CSMD3: variants seen among roughly 807,000 people sequenced by gnomAD.
The protein encoded by CSMD3 is CUB and sushi domain-containing protein 3.
In CSMD3, 177 loss-of-function variants were observed where a neutral mutation model predicts 435.2. The observed-to-expected ratio is 0.41, with a 90% CI of 0.36 to 0.46. The LOEUF (loss-of-function observed/expected upper bound fraction) is 0.46. CSMD3 is among the 20% of genes least tolerant of loss of function. The pLI is 0.34. For synonymous variants in CSMD3, 1,656 were observed against 1,520.5 expected, an observed-to-expected ratio of 1.09 and a Z score of -2.07; for missense variants, 4,265 against 4,504.6, an observed-to-expected ratio of 0.95 and a Z score of 1.52.
At chr8:112,798,495 C>T (rs1214694419) in intron 13 of CSMD3, among the ~76,000 whole-genome samples, 2 of 151,648 alleles carry the variant, frequency 1.3e-5, no homozygotes, top group African/African-American at 2.4e-5. Flanking sequence ...AAAAGTAGGG[C>T]ATTATTCATT....
intron 3 of CSMD3, among the ~76,000 whole-genome samples, chr8:113,185,636 C>T (rs1278142134): frequency 6.6e-6 from 1 of 151,972 alleles, no homozygotes. Context: ...TATATCTTTG[C>T]CCATTGTTGA....
At chr8:112,822,423 TG>T in intron 12 of CSMD3, among the ~76,000 whole-genome samples, 1 of 152,148 alleles carries the variant, frequency 6.6e-6, no homozygotes, top group East Asian at 1.9e-4. Flanking sequence ...AATTGTAAAC[TG>T]GAGTTCACTC....
At chr8:112,873,679 G>T (rs906766942) in intron 10 of CSMD3, among the ~76,000 whole-genome samples, 2 of 151,920 alleles carry the variant, frequency 1.3e-5, no homozygotes, top group Non-Finnish European at 2.9e-5. Context: ...ATTTCTTCTA[G>T]ATTTTCTAGT....
intron 12 of CSMD3, among the ~76,000 whole-genome samples, chr8:112,807,053 A>T (rs2079105388): frequency 6.6e-6 from 1 of 152,146 alleles, no homozygotes; most frequent in African/African-American, 2.4e-5. Context: ...AGATATGCTG[A>T]CCCATGTACT....
chr8:112,718,944 T>C (rs1476661248), intron 13 of CSMD3, among the ~76,000 whole-genome samples: 1 of 152,132 alleles, frequency 6.6e-6, no homozygotes, highest in East Asian at 1.9e-4. Context: ...TTGAGCTCTG[T>C]GTAAAAGATT....
At chr8:112,444,966 A>G (rs1397414042) in intron 32 of CSMD3, among the ~76,000 whole-genome samples, 1 of 152,156 alleles carries the variant, frequency 6.6e-6, no homozygotes, top group Non-Finnish European at 1.5e-5. Context: ...TAGCAGGCCA[A>G]TTGTGGTGAC....
intron 12 of CSMD3, among the ~76,000 whole-genome samples, chr8:112,806,007 CA>C (rs1342916226): frequency 1.3e-5 from 2 of 151,892 alleles, no homozygotes; most frequent in African/African-American, 2.4e-5. Context: ...AGACAAATTG[CA>C]AAATTGCCAA....
chr8:112,490,463 A>G (rs555816166), intron 31 of CSMD3, among the ~76,000 whole-genome samples: 1 of 152,254 alleles, frequency 6.6e-6, no homozygotes, highest in African/African-American at 2.4e-5. Context: ...CATTTCTATG[A>G]CCTATTGGAA....
chr8:112,831,731 T>A (rs545400239), intron 11 of CSMD3, among the ~76,000 whole-genome samples: 1 of 152,296 alleles, frequency 6.6e-6, no homozygotes, highest in East Asian at 1.9e-4. Flanking sequence ...ATATTGGTGA[T>A]TCTGAAAACA....
At chr8:112,413,227 G>A (rs1811542023) in intron 32 of CSMD3, among the ~76,000 whole-genome samples, 1 of 152,062 alleles carries the variant, frequency 6.6e-6, no homozygotes, top group Non-Finnish European at 1.5e-5. Context: ...AATGAGACAA[G>A]GCAGTGTATC....
chr8:112,924,256 A>G (rs2082839419), intron 9 of CSMD3, among the ~76,000 whole-genome samples: 1 of 152,142 alleles, frequency 6.6e-6, no homozygotes, highest in South Asian at 2.1e-4. Context: ...TTTAGTTAAC[A>G]AGCTGTCACG....
At chr8:112,260,125 T>C (rs879607463) in intron 61 of CSMD3, among the ~76,000 whole-genome samples, 1 of 152,174 alleles carries the variant, frequency 6.6e-6, no homozygotes, top group Non-Finnish European at 1.5e-5. Flanking sequence ...ACTTTTAAGA[T>C]GAGAAAACAT....
intron 1 of CSMD3, among the ~76,000 whole-genome samples, chr8:113,430,231 TAG>T (rs2094663224): frequency 6.6e-6 from 1 of 152,112 alleles, no homozygotes; most frequent in African/African-American, 2.4e-5. Flanking sequence ...GTGGTGGTGT[TAG>T]AGATAAAGTG....
At chr8:112,885,461 T>C (rs1219104217) in intron 10 of CSMD3, among the ~76,000 whole-genome samples, 1 of 151,566 alleles carries the variant, frequency 6.6e-6, no homozygotes, top group Non-Finnish European at 1.5e-5. Context: ...TCATGAAATA[T>C]TTAAGGTAAT....
At chr8:113,074,940 T>C (rs370276224) in intron 5 of CSMD3, among the ~76,000 whole-genome samples, 5 of 151,952 alleles carry the variant, frequency 3.3e-5, no homozygotes, top group African/African-American at 9.6e-5. Context: ...ATTCAAAAAG[T>C]ATGTTAAATA....
intron 9 of CSMD3, among the ~76,000 whole-genome samples, chr8:112,922,905 G>A (rs905681485): frequency 6.6e-5 from 10 of 152,084 alleles, no homozygotes; most frequent in Non-Finnish European, 1.2e-4. Context: ...AACCTTAAAA[G>A]TTTACATAAC....
chr8:112,938,366 C>A (rs2083349819), intron 9 of CSMD3, among the ~76,000 whole-genome samples: 1 of 152,144 alleles, frequency 6.6e-6, no homozygotes, highest in Admixed American at 6.6e-5. Context: ...AATTGTGATT[C>A]TTTCTTCTCA....
At chr8:112,483,963 A>G (rs1819876304) in intron 31 of CSMD3, among the ~76,000 whole-genome samples, 1 of 152,206 alleles carries the variant, frequency 6.6e-6, no homozygotes, top group Non-Finnish European at 1.5e-5. Context: ...CTGTTTCTCA[A>G]TGGTTGAGGT....
intron 8 of CSMD3, among the ~76,000 whole-genome samples, chr8:112,953,442 C>T (rs2083899157): frequency 6.6e-6 from 1 of 151,216 alleles, no homozygotes; most frequent in Admixed American, 6.6e-5. Context: ...ATGATTTTAG[C>T]CCCCAAAATA....
Sources: allele counts gnomAD v4.1 joint callset (sites outside exome capture counted in the v4.1 genomes callset), GRCh38; gene constraint gnomAD v4.1.1; transcripts MANE v1.5; gene names NCBI Gene and HGNC (gene_info 2026-07-23, HGNC 2026-07-21).